Variants in SPATA17 observed in about 807,000 individuals in gnomAD.
SPATA17 encodes the protein spermatogenesis-associated protein 17.
SPATA17 carries 53 observed loss-of-function variants against 62.2 expected under a neutral mutation model. The ratio of observed to expected loss-of-function variants is 0.85; its 90% CI spans 0.68 to 1.07. The LOEUF is 1.07. Among genes scored for constraint, SPATA17 ranks in the 50% least tolerant of loss-of-function variants. The probability of loss-of-function intolerance (pLI) is 0.00; values close to 1 mark genes in which losing one functional copy is unlikely to be tolerated. For synonymous variants in SPATA17, 146 were observed against 146.8 expected, an observed-to-expected ratio of 0.99 and a Z score of 0.04; for missense variants, 466 against 425.5, an observed-to-expected ratio of 1.10 and a Z score of -0.84.
intron 6 of SPATA17, among the ~76,000 whole-genome samples, chr1:217,742,794 G>A (rs891939333): frequency 3.3e-5 from 5 of 151,938 alleles, no homozygotes; most frequent in East Asian, 1.9e-4. Context: ...AGCAATTTCC[G>A]GGTTTTTATT....
chr1:217,714,754 G>A (rs1671962464), intron 5 of SPATA17, among the ~76,000 whole-genome samples: 1 of 151,904 alleles, frequency 6.6e-6, no homozygotes, highest in African/African-American at 2.4e-5. Context: ...CAAAGTGCTG[G>A]GATTACAGGC....
At chr1:217,833,102 A>G (rs1357786336) in intron 9 of SPATA17, among the ~76,000 whole-genome samples, 2 of 152,164 alleles carry the variant, frequency 1.3e-5, no homozygotes, top group Non-Finnish European at 2.9e-5. Flanking sequence ...AATAATTTTC[A>G]TCATTATTAT....
At chr1:217,701,295 G>A (rs943682729) in intron 5 of SPATA17, among the ~76,000 whole-genome samples, 1 of 151,480 alleles carries the variant, frequency 6.6e-6, no homozygotes, top group Non-Finnish European at 1.5e-5. Context: ...AGATATGTGT[G>A]TGTATATGTG....
intron 1 of SPATA17, among the ~76,000 whole-genome samples, chr1:217,644,479 T>A (rs914307602): frequency 1.3e-5 from 2 of 152,234 alleles, no homozygotes; most frequent in Middle Eastern, 3.4e-3. Context: ...CTGTCTAAAA[T>A]AGTTACAAGT....
chr1:217,817,792 C>T lies in SPATA17; in HGVS notation c.1005+15942C>T, dbSNP rs536278602. 3.9e-5 allele frequency among the ~76,000 whole-genome samples: 6 copies of T among 152,132 alleles called. No individual in the cohort carries two copies. The South Asian group carries it at 6.2e-4, about 16-fold the overall frequency. On this transcript the variant is annotated intron_variant, in intron 9 of 10. Transcript: ENST00000366933. ...CTGATCTGCTGTTGGCCACATCTTGCCGTACGTCTATAGGTTAATGACTAG... is the reference window on the plus strand; with the variant it reads ...CTGATCTGCTGTTGGCCACATCTTGTCGTACGTCTATAGGTTAATGACTAG...
At chr1:217,683,716 A>G (rs576253937) in intron 5 of SPATA17, among the ~76,000 whole-genome samples, 1 of 152,300 alleles carries the variant, frequency 6.6e-6, no homozygotes, top group African/African-American at 2.4e-5. Context: ...CTTGGATCAC[A>G]GGCGTGAGCC....
At chr1:217,662,179 C>T (rs1670586599) in intron 3 of SPATA17, among the ~76,000 whole-genome samples, 1 of 152,096 alleles carries the variant, frequency 6.6e-6, no homozygotes, top group South Asian at 2.1e-4. Flanking sequence ...ACCCAATTTA[C>T]ATTATGTTTA....
At chr1:217,737,920 G>C (rs1672547671) in intron 5 of SPATA17, 1 of 152,722 alleles carries the variant, frequency 6.5e-6, no homozygotes, top group Admixed American at 6.6e-5. Context: ...CGCCTCCCAG[G>C]TTCAAGCGAT....
intron 6 of SPATA17, among the ~76,000 whole-genome samples, chr1:217,765,869 G>T (rs182311189): frequency 1.3e-5 from 2 of 152,006 alleles, no homozygotes; most frequent in Non-Finnish European, 2.9e-5. Context: ...ACAAATTGTT[G>T]TGTCTTCTTG....
At chr1:217,778,185 T>G (rs1266199292) in intron 7 of SPATA17, among the ~76,000 whole-genome samples, 1 of 152,162 alleles carries the variant, frequency 6.6e-6, no homozygotes, top group South Asian at 2.1e-4. Flanking sequence ...GCAGTTAAGG[T>G]AGATGTAACA....
At chr1:217,680,134 T>C (rs967316816) in intron 4 of SPATA17, among the ~76,000 whole-genome samples, 7 of 152,232 alleles carry the variant, frequency 4.6e-5, no homozygotes, top group Non-Finnish European at 8.8e-5. Flanking sequence ...GGATTTCCTG[T>C]CAGTACATGT....
intron 9 of SPATA17, among the ~76,000 whole-genome samples, chr1:217,814,193 TC>T (rs1279758810): frequency 6.6e-6 from 1 of 152,196 alleles, no homozygotes. Context: ...CTAAAATATT[TC>T]ATTTAAGTGA....
intron 9 of SPATA17, among the ~76,000 whole-genome samples, chr1:217,816,813 A>G (rs1674727774): frequency 6.6e-6 from 1 of 152,080 alleles, no homozygotes; most frequent in African/African-American, 2.4e-5. Context: ...CATCAATATA[A>G]GCTGTAATGT....
intron 6 of SPATA17, among the ~76,000 whole-genome samples, chr1:217,748,658 C>T (rs913087957): frequency 3.4e-5 from 5 of 148,148 alleles, no homozygotes; most frequent in African/African-American, 1.3e-4. Flanking sequence ...GCAGGAGAAT[C>T]GCTTGAACCT....
chr1:217,648,980 CT>C lies in SPATA17; in HGVS notation c.158+13del. On this transcript the variant is annotated intron_variant, in intron 2 of 10. Transcript: ENST00000366933. ...GTTCGGGCATATATCAGGTATATTG[CT>C]TTTGTCATGGAAACCTCAGATATAT... 6.3e-7 allele frequency: 1 copy of C among 1,583,986 alleles called. No homozygotes were observed. Among genetic ancestry groups the C allele is most frequent in the African/African-American group, 1.4e-5 (1 of 73,918 alleles).
chr1:217,819,884 G>A (rs1199875827), intron 9 of SPATA17, among the ~76,000 whole-genome samples: 1 of 151,966 alleles, frequency 6.6e-6, no homozygotes, highest in Non-Finnish European at 1.5e-5. Context: ...AGCAACAGTT[G>A]TCTTTAGTCA....
intron 1 of SPATA17, among the ~76,000 whole-genome samples, chr1:217,644,535 T>C (rs531004029): frequency 1.3e-5 from 2 of 152,296 alleles, no homozygotes; most frequent in South Asian, 2.1e-4. Flanking sequence ...TAATCTAGTA[T>C]TTATTCATAG....
chr1:217,768,551 G>A (rs1478607843), intron 6 of SPATA17, among the ~76,000 whole-genome samples: 1 of 149,814 alleles, frequency 6.7e-6, no homozygotes, highest in African/African-American at 2.5e-5. Flanking sequence ...TAGTGCAATG[G>A]CGTGATCTCA....
intron 3 of SPATA17, among the ~76,000 whole-genome samples, chr1:217,662,183 A>G (rs942415130): frequency 2.0e-5 from 3 of 152,158 alleles, no homozygotes; most frequent in Non-Finnish European, 2.9e-5. Flanking sequence ...AATTTACATT[A>G]TGTTTAATAT....
Sources: gnomAD v4.1 joint callset for allele counts (sites outside exome capture counted in the v4.1 genomes callset) on GRCh38, gnomAD v4.1.1 for gene constraint, MANE v1.5 for transcripts, NCBI Gene and HGNC (gene_info 2026-07-23, HGNC 2026-07-21) for gene names.